The following SLMAP variants were observed in gnomAD, a reference collection of about 807,000 sequenced individuals.
SLMAP encodes sarcolemmal membrane-associated protein.
In SLMAP, 44 loss-of-function variants were observed where a neutral mutation model predicts 128.8. That is an observed-to-expected ratio of 0.34 (90% CI 0.27 to 0.44). The LOEUF (loss-of-function observed/expected upper bound fraction) is 0.44, where lower values mean the gene tolerates loss of function less well. Ranked by LOEUF, SLMAP falls within the 20% of genes least tolerant of loss-of-function variation. SLMAP has a pLI of 1.00. For missense variants in SLMAP, 787 were observed against 985.3 expected (o/e 0.80, Z 2.69); for synonymous variants, 327 against 348.8 (o/e 0.94, Z 0.70).
intron 2 of SLMAP, among the ~76,000 whole-genome samples, chr3:57,790,276 T>C (rs2153474311): frequency 6.6e-6 from 1 of 152,358 alleles, no homozygotes; most frequent in Non-Finnish European, 1.5e-5. Flanking sequence ...GCTCTTACTA[T>C]GTCCAAAGCA....
intron 2 of SLMAP, among the ~76,000 whole-genome samples, chr3:57,796,223 G>T (rs1314314380): frequency 2.0e-5 from 3 of 152,076 alleles, no homozygotes; most frequent in Admixed American, 2.0e-4. Context: ...GCTCTTTTTT[G>T]TTGTTGTTAA....
intron 6 of SLMAP, among the ~76,000 whole-genome samples, chr3:57,855,630 A>G (rs1369875769): frequency 6.9e-6 from 1 of 144,220 alleles, no homozygotes; most frequent in Non-Finnish European, 1.5e-5. Context: ...AAATCCCAGC[A>G]CTTTGGATGG....
chr3:57,903,294 G>A (rs1214353499), intron 17 of SLMAP, among the ~76,000 whole-genome samples: 2 of 152,234 alleles, frequency 1.3e-5, no homozygotes, highest in African/African-American at 4.8e-5. Flanking sequence ...CCTGCATTGT[G>A]AAGGTTGTTC....
At chr3:57,863,940 T>G (rs897506665) in intron 10 of SLMAP, among the ~76,000 whole-genome samples, 1 of 152,200 alleles carries the variant, frequency 6.6e-6, no homozygotes, top group Admixed American at 6.5e-5. Context: ...GGGAAAAATC[T>G]TACTTCCCTC....
In SLMAP at chr3:57,780,400, C is replaced by T. The variant is rs561126747; in HGVS notation, c.198+22551C>T. 5.3e-5 allele frequency among the ~76,000 whole-genome samples: 8 copies of T among 152,250 alleles called. No individual in the cohort carries two copies. The South Asian group carries it at 1.7e-3, about 32-fold the overall frequency. ...GCCCAAGCGATCTGCCTGCCTTGGC[C>T]TCCCAAAGTGCCAGGTTTACAGGCA... On this transcript the variant is annotated intron_variant, in intron 2 of 24. Coordinates refer to ENST00000671191, the MANE Select transcript of SLMAP (RefSeq NM_001377540.1).
intron 17 of SLMAP, among the ~76,000 whole-genome samples, chr3:57,902,678 A>T (rs2096419388): frequency 6.6e-6 from 1 of 152,120 alleles, no homozygotes; most frequent in Non-Finnish European, 1.5e-5. Flanking sequence ...AATATGGGAG[A>T]GAGATGGAAG....
In SLMAP at chr3:57,757,299, A is replaced by C. The variant is rs892231689; in HGVS notation, c.-353A>C. ...AAACACAAGAATTGGCGTGTGACTC[A>C]TCTGCTTGGATACCTCCAGTCCCCA... On this transcript the variant is annotated 5_prime_UTR_variant, in exon 2 of 25. Coordinates refer to ENST00000671191, the MANE Select transcript of SLMAP (RefSeq NM_001377540.1). The C allele has an allele frequency of 2.9e-6, 1 of 350,826 alleles. No homozygotes were observed. The highest frequency in any genetic ancestry group is 4.4e-5 in the Admixed American group (1 of 22,874). The allele number at this position is 350,826 out of a possible 1,614,324, so 21.7% of individuals were successfully genotyped here. A position where few individuals can be genotyped will look rare whatever the true frequency, so the allele number is the denominator to read the frequency against.
intron 2 of SLMAP, among the ~76,000 whole-genome samples, chr3:57,820,871 G>C (rs146429579): frequency 4.5e-4 from 68 of 152,150 alleles, no homozygotes; most frequent in African/African-American, 1.6e-3. Flanking sequence ...CTACTGCCTG[G>C]TGAATATTGC....
At chr3:57,916,024 C>T (rs1377352029) in intron 21 of SLMAP, among the ~76,000 whole-genome samples, 1 of 151,898 alleles carries the variant, frequency 6.6e-6, no homozygotes, top group Admixed American at 6.6e-5. Context: ...GGCATGGTGG[C>T]GCATGCCTGT....
chr3:57,765,576 A>G (rs1358954024), intron 2 of SLMAP, among the ~76,000 whole-genome samples: 1 of 152,238 alleles, frequency 6.6e-6, no homozygotes, highest in East Asian at 1.9e-4. Context: ...ACATCTAAAC[A>G]TGACCACAAA....
intron 2 of SLMAP, among the ~76,000 whole-genome samples, chr3:57,820,463 T>C (rs1298085356): frequency 6.6e-6 from 1 of 152,010 alleles, no homozygotes; most frequent in African/African-American, 2.4e-5. Flanking sequence ...TTTTGGGGTG[T>C]GGGAAATAGA....
Position 57,860,477 on chromosome 3 carries a change from CT to C in SLMAP, c.688-213del, listed in dbSNP as rs902974408. Among the ~76,000 whole-genome samples, 165 of 151,470 alleles carry C rather than the reference CT, an allele frequency of 1.1e-3. 1 individual carries two copies. Among genetic ancestry groups the C allele is most frequent in the African/African-American group, 3.7e-3 (151 of 41,344 alleles). On this transcript the variant is annotated intron_variant, in intron 8 of 24. Transcript: ENST00000671191. ...TAGGGAAATTCTCAATTGCCTATAA[CT>C]TTTTTTTTCTATAGGAAGTGGAAAT...
At chr3:57,787,664 C>T (rs1161584765) in intron 2 of SLMAP, among the ~76,000 whole-genome samples, 9 of 152,106 alleles carry the variant, frequency 5.9e-5, no homozygotes, top group African/African-American at 1.4e-4. Context: ...TTAGTAGAGA[C>T]GGGGTTTCAC....
chr3:57,780,975 T>C (rs1559961232), intron 2 of SLMAP, among the ~76,000 whole-genome samples: 1 of 151,140 alleles, frequency 6.6e-6, no homozygotes, highest in Non-Finnish European at 1.5e-5. Context: ...GATATATACA[T>C]ACACATATAT....
intron 13 of SLMAP, 117 bp from the exon 14 acceptor site, chr3:57,871,519 G>T: frequency 1.4e-6 from 1 of 698,666 alleles, no homozygotes; most frequent in Admixed American, 2.7e-5. Flanking sequence ...AATATATTAA[G>T]CCTTTATTAG....
chr3:57,820,362 A>G (rs1291443272), intron 2 of SLMAP, among the ~76,000 whole-genome samples: 1 of 152,160 alleles, frequency 6.6e-6, no homozygotes, highest in Non-Finnish European at 1.5e-5. Flanking sequence ...TCAGTTAAGT[A>G]GGAGCCTCAA....
At chr3:57,774,651 T>A (rs1427255409) in intron 2 of SLMAP, among the ~76,000 whole-genome samples, 1 of 151,730 alleles carries the variant, frequency 6.6e-6, no homozygotes, top group African/African-American at 2.4e-5. Context: ...CAGCCTCCCA[T>A]GTAGCGGGCA....
At chr3:57,833,733 T>A (rs1051542180) in intron 3 of SLMAP, among the ~76,000 whole-genome samples, 4 of 152,086 alleles carry the variant, frequency 2.6e-5, no homozygotes, top group African/African-American at 4.8e-5. Context: ...ATTAGATTTT[T>A]ACAGTCTTCT....
At chr3:57,921,011 A>G (rs1576450630) in intron 22 of SLMAP, among the ~76,000 whole-genome samples, 1 of 150,726 alleles carries the variant, frequency 6.6e-6, no homozygotes, top group African/African-American at 2.4e-5. Flanking sequence ...AGTGAGACTC[A>G]GTCTAAAAAA....
Sources: allele counts gnomAD v4.1 joint callset (sites outside exome capture counted in the v4.1 genomes callset), GRCh38; gene constraint gnomAD v4.1.1; transcripts MANE v1.5; gene names NCBI Gene and HGNC (gene_info 2026-07-23, HGNC 2026-07-21).